KHDRBS2: variants seen among roughly 807,000 people sequenced by gnomAD.
KHDRBS2 encodes the protein KH RNA binding domain containing, signal transduction associated 2.
KHDRBS2 carries 26 observed loss-of-function variants against 44.3 expected under a neutral mutation model. That is an observed-to-expected ratio of 0.59 (90% CI 0.43 to 0.81). The LOEUF (loss-of-function observed/expected upper bound fraction) is 0.81. Ranked by LOEUF, KHDRBS2 falls within the 40% of genes least tolerant of loss-of-function variation. The pLI, the probability that KHDRBS2 is intolerant of heterozygous loss-of-function variation, is 0.00. For synonymous variants in KHDRBS2, 194 were observed against 151.1 expected (o/e 1.28, Z -2.08); for missense variants, 476 against 433.1 (o/e 1.10, Z -0.88).
At chr6:62,068,949 TC>T (rs1270248882) in intron 2 of KHDRBS2, among the ~76,000 whole-genome samples, 1 of 151,730 alleles carries the variant, frequency 6.6e-6, no homozygotes, top group Non-Finnish European at 1.5e-5. Flanking sequence ...AATTTCTTTT[TC>T]ATTTTCATGA....
chr6:61,634,563 A>G, the KHDRBS2 span, among the ~76,000 whole-genome samples: 1 of 152,028 alleles, frequency 6.6e-6, no homozygotes, highest in African/African-American at 2.4e-5. Flanking sequence ...CCATCTTGGT[A>G]GAGACTGACA....
At chr6:61,858,266 A>G (rs1405732314) in intron 6 of KHDRBS2, among the ~76,000 whole-genome samples, 4 of 151,734 alleles carry the variant, frequency 2.6e-5, no homozygotes, top group Non-Finnish European at 5.9e-5. Flanking sequence ...AAAAAACTAT[A>G]TAATGTAATT....
chr6:61,815,618 T>C (rs1312057014), intron 6 of KHDRBS2, among the ~76,000 whole-genome samples: 2 of 152,198 alleles, frequency 1.3e-5, no homozygotes, highest in Non-Finnish European at 2.9e-5. Flanking sequence ...ACAGAGCATA[T>C]AATTCCATGA....
intron 4 of KHDRBS2, among the ~76,000 whole-genome samples, chr6:61,910,081 A>C (rs1231448263): frequency 6.6e-6 from 1 of 152,178 alleles, no homozygotes; most frequent in Admixed American, 6.5e-5. Flanking sequence ...CTACAAACAG[A>C]TTAGGGCGCT....
chr6:61,897,420 C>T (rs1295544733), intron 5 of KHDRBS2, among the ~76,000 whole-genome samples: 1 of 152,144 alleles, frequency 6.6e-6, no homozygotes, highest in Non-Finnish European at 1.5e-5. Flanking sequence ...CAGCAATCCA[C>T]AGAGCTCAGA....
intron 6 of KHDRBS2, among the ~76,000 whole-genome samples, chr6:61,782,102 T>G (rs1316943639): frequency 6.6e-6 from 1 of 152,152 alleles, no homozygotes; most frequent in African/African-American, 2.4e-5. Context: ...GTATGGCAAC[T>G]AATTGTGTTG....
intron 4 of KHDRBS2, among the ~76,000 whole-genome samples, chr6:61,914,919 G>A (rs1467823665): frequency 6.6e-6 from 1 of 152,100 alleles, no homozygotes; most frequent in Admixed American, 6.6e-5. Context: ...ATGAAAACGA[G>A]CAATCCAGGT....
the KHDRBS2 span, among the ~76,000 whole-genome samples, chr6:61,561,169 C>A: frequency 6.6e-6 from 1 of 152,144 alleles, no homozygotes; most frequent in African/African-American, 2.4e-5. Context: ...CCCTTACTTT[C>A]TTTCAAATAA....
the KHDRBS2 span, among the ~76,000 whole-genome samples, chr6:61,638,690 TA>T: frequency 2.4e-4 from 37 of 152,252 alleles, 1 homozygote; most frequent in Admixed American, 2.2e-3. Context: ...CTTTTAACAG[TA>T]AAAATCAATT....
chr6:61,690,232 A>C (rs1383115068), intron 8 of KHDRBS2, among the ~76,000 whole-genome samples: 1 of 151,908 alleles, frequency 6.6e-6, no homozygotes, highest in African/African-American at 2.4e-5. Context: ...AAGTGGGCAA[A>C]ATTTTTCACC....
chr6:62,171,354 G>A (rs1174601454), intron 2 of KHDRBS2, among the ~76,000 whole-genome samples: 1 of 151,844 alleles, frequency 6.6e-6, no homozygotes, highest in East Asian at 1.9e-4. Flanking sequence ...AACACTGGTT[G>A]TCCAAATCCA....
chr6:61,758,840 C>T (rs1006783926), intron 6 of KHDRBS2, among the ~76,000 whole-genome samples: 1 of 152,052 alleles, frequency 6.6e-6, no homozygotes, highest in African/African-American at 2.4e-5. Context: ...GTATAGGAGA[C>T]ATGTACATTA....
chr6:61,649,850 C>A, the KHDRBS2 span, among the ~76,000 whole-genome samples: 2 of 152,170 alleles, frequency 1.3e-5, no homozygotes, highest in African/African-American at 2.4e-5. Flanking sequence ...TTATTTTGGT[C>A]ATATCTCCTT....
chr6:62,025,528 A>C (rs535570677), intron 3 of KHDRBS2, among the ~76,000 whole-genome samples: 2 of 152,028 alleles, frequency 1.3e-5, no homozygotes, highest in Admixed American at 6.6e-5. Context: ...ATAAAGGATA[A>C]ATTTTTTTTA....
intron 2 of KHDRBS2, among the ~76,000 whole-genome samples, chr6:62,097,919 T>A (rs1350342111): frequency 6.6e-6 from 1 of 152,074 alleles, no homozygotes; most frequent in African/African-American, 2.4e-5. Flanking sequence ...TTATCATAAG[T>A]CTTACCAAAA....
chr6:62,163,853 C>T (rs528788386), intron 2 of KHDRBS2, among the ~76,000 whole-genome samples: 2 of 152,066 alleles, frequency 1.3e-5, no homozygotes, highest in Admixed American at 6.6e-5. Context: ...CTGCTTTTCT[C>T]AGTGTCTGAC....
At chr6:61,818,596 G>A (rs1441219245) in intron 6 of KHDRBS2, among the ~76,000 whole-genome samples, 4 of 151,938 alleles carry the variant, frequency 2.6e-5, no homozygotes, top group African/African-American at 7.2e-5. Context: ...GTTGTTCCAC[G>A]TTCACCACAC....
intron 2 of KHDRBS2, among the ~76,000 whole-genome samples, chr6:62,103,182 T>G (rs927872888): frequency 1.3e-5 from 2 of 152,128 alleles, no homozygotes; most frequent in East Asian, 3.9e-4. Context: ...CAGCCCAGCT[T>G]CCAGGCTTCC....
intron 2 of KHDRBS2, among the ~76,000 whole-genome samples, chr6:62,085,522 C>T (rs73489262): frequency 0.023 from 3,469 of 152,124 alleles, 140 homozygotes; most frequent in African/African-American, 0.08. Flanking sequence ...AATCCAAGGT[C>T]TTTAATATGC....
Sources: gnomAD v4.1 joint callset for allele counts (sites outside exome capture counted in the v4.1 genomes callset) on GRCh38, gnomAD v4.1.1 for gene constraint, MANE v1.5 for transcripts, NCBI Gene and HGNC (gene_info 2026-07-23, HGNC 2026-07-21) for gene names.